The following ATXN2 variants were observed in gnomAD, a reference collection of about 807,000 sequenced individuals.
ATXN2 encodes ataxin-2.
In ATXN2, 37 loss-of-function variants were observed where a neutral mutation model predicts 138.6. That is an observed-to-expected ratio of 0.27 (90% CI 0.21 to 0.35). The LOEUF is 0.35. ATXN2 is among the 10% of genes least tolerant of loss of function. The probability of loss-of-function intolerance (pLI) is 1.00; values close to 1 mark genes in which losing one functional copy is unlikely to be tolerated. For missense variants in ATXN2, 1,216 were observed against 1,480.3 expected, an observed-to-expected ratio of 0.82 and a Z score of 2.93; for synonymous variants, 549 against 543.7, an observed-to-expected ratio of 1.01 and a Z score of -0.13.
intron 1 of ATXN2, among the ~76,000 whole-genome samples, chr12:111,566,911 T>G (rs895536315): frequency 2.0e-5 from 3 of 152,316 alleles, no homozygotes. Flanking sequence ...GTACTGGGAT[T>G]ACAGGCATGA....
chr12:111,585,971 A>G (rs112336421), intron 1 of ATXN2, among the ~76,000 whole-genome samples: 1 of 151,654 alleles, frequency 6.6e-6, no homozygotes, highest in Non-Finnish European at 1.5e-5. Context: ...TGGTGCAATC[A>G]TGGCTCACCT....
At chr12:111,468,284 C>T (rs940033499) in intron 20 of ATXN2, 1 of 152,182 alleles carries the variant, frequency 6.6e-6, no homozygotes, top group Non-Finnish European at 1.5e-5. Flanking sequence ...AAATAATAAA[C>T]CAAGTTAGTT....
At chr12:111,570,957 T>C (rs1883280808) in intron 1 of ATXN2, among the ~76,000 whole-genome samples, 1 of 152,266 alleles carries the variant, frequency 6.6e-6, no homozygotes, top group South Asian at 2.1e-4. Context: ...CTTGCTGGTG[T>C]AGTTTCTACT....
At chr12:111,549,596 T>C (rs1435703626) in intron 5 of ATXN2, among the ~76,000 whole-genome samples, 1 of 152,166 alleles carries the variant, frequency 6.6e-6, no homozygotes, top group Non-Finnish European at 1.5e-5. Flanking sequence ...GTTTTCTCCA[T>C]ACTGATAGTA....
In ATXN2 at chr12:111,464,704, A is replaced by C. The variant is rs1875869593; in HGVS notation, c.2854T>G (p.Leu952Val). The C allele has an allele frequency of 3.1e-6, 5 of 1,611,100 alleles. No homozygotes were observed. Among genetic ancestry groups the C allele is most frequent in the Admixed American group, 1.7e-5 (1 of 59,944 alleles). The stretch of plus-strand genomic sequence containing the variant: ...GGGCTTGTCTCCTTGTTGTATGGTA[A>C]TTTGGGACATGCTGAATTTGGGAAA... ...QTHAMYACPK[L>V]PYNKETSPSF... The change falls in exon 21 of 25, where the codon TTA becomes GTA. Residue 952 changes from leucine to valine, a missense_variant. This residue lies in a region of ATXN2 where 490 missense variants were observed against 653.5 expected (regional missense o/e 0.75). Transcript: ENST00000673436.
intron 16 of ATXN2, among the ~76,000 whole-genome samples, chr12:111,486,510 T>TA (rs1316971004): frequency 1.3e-5 from 2 of 152,226 alleles, no homozygotes; most frequent in African/African-American, 4.8e-5. Context: ...ACAGCCTAGC[T>TA]AGCCAACCAT....
chr12:111,457,164 G>A, intron 22 of ATXN2, 50 bp downstream of exon 22: 1 of 1,571,722 alleles, frequency 6.4e-7, no homozygotes, highest in African/African-American at 1.4e-5. Context: ...AAAGCACTCA[G>A]ATACTAGGAT....
chr12:111,548,165 C>T (rs1336028394), intron 5 of ATXN2, among the ~76,000 whole-genome samples: 1 of 152,120 alleles, frequency 6.6e-6, no homozygotes, highest in Non-Finnish European at 1.5e-5. Flanking sequence ...TGTACCCAGC[C>T]TGGGCGACAG....
intron 18 of ATXN2, among the ~76,000 whole-genome samples, chr12:111,473,773 A>G (rs115677682): frequency 0.035 from 5,328 of 152,242 alleles, 333 homozygotes; most frequent in African/African-American, 0.12. Flanking sequence ...GGAAAAAAAA[A>G]AAAAACCCAA....
chr12:111,535,861 G>T (rs992596426), intron 5 of ATXN2, among the ~76,000 whole-genome samples: 5 of 150,424 alleles, frequency 3.3e-5, no homozygotes, highest in Non-Finnish European at 7.4e-5. Flanking sequence ...TTAGCCGGGC[G>T]TAGTGGCGGG....
At chr12:111,514,570 G>A (rs1391064416) in intron 10 of ATXN2, among the ~76,000 whole-genome samples, 2 of 152,052 alleles carry the variant, frequency 1.3e-5, no homozygotes, top group South Asian at 2.1e-4. Context: ...TGTCGCCCAG[G>A]CTGGAGTGCA....
chr12:111,588,904 A>T (rs1226592057), intron 1 of ATXN2, among the ~76,000 whole-genome samples: 1 of 140,348 alleles, frequency 7.1e-6, no homozygotes, highest in African/African-American at 2.6e-5. Context: ...CTGAGGCAGG[A>T]GAATGGCATG....
intron 5 of ATXN2, among the ~76,000 whole-genome samples, chr12:111,529,057 C>T (rs1265711454): frequency 6.6e-6 from 1 of 151,954 alleles, no homozygotes; most frequent in Non-Finnish European, 1.5e-5. Context: ...TGGGCTCAAG[C>T]AATCCTCCCA....
intron 15 of ATXN2, 38 bp from the exon 16 acceptor site, chr12:111,486,862 C>T (rs1337699629): frequency 1.3e-6 from 2 of 1,534,224 alleles, no homozygotes; most frequent in Non-Finnish European, 1.8e-6. Flanking sequence ...TCTACATGGA[C>T]TTTACGTTGC....
chr12:111,578,732 G>C (rs1883821579), intron 1 of ATXN2, among the ~76,000 whole-genome samples: 1 of 152,106 alleles, frequency 6.6e-6, no homozygotes, highest in Non-Finnish European at 1.5e-5. Flanking sequence ...CTGGGCATTA[G>C]GGAAATGCAA....
At position 111,513,247 on chromosome 12, in the gene ATXN2, T is replaced by C. The variant is rs541934692; in HGVS notation, c.1558+110A>G. Reference sequence around the variant, plus strand: ...TCCCAATTCCTGGTGATTCTACTATTTTTAACATATACATACTTACACTTC... The same window carrying C: ...TCCCAATTCCTGGTGATTCTACTATCTTTAACATATACATACTTACACTTC... On this transcript the variant is annotated intron_variant, in intron 11 of 24. Transcript: ENST00000673436. 708 of 1,265,230 alleles carry C rather than the reference T, an allele frequency of 5.6e-4. 9 individuals are homozygous for C. The African/African-American group carries it at 9.9e-3, about 18-fold the overall frequency. 78.4% of individuals were successfully genotyped at this position (1,265,230 alleles called of 1,614,324 possible).
chr12:111,468,321 C>T (rs1416310350), intron 20 of ATXN2: 2 of 152,254 alleles, frequency 1.3e-5, no homozygotes, highest in South Asian at 2.1e-4. Context: ...AATTAAATTA[C>T]GGATGGGCCT....
At chr12:111,547,656 C>T (rs1032203420) in intron 5 of ATXN2, among the ~76,000 whole-genome samples, 2 of 151,400 alleles carry the variant, frequency 1.3e-5, no homozygotes, top group African/African-American at 4.9e-5. Flanking sequence ...ACCCAGAAGG[C>T]GGAGGTTGCA....
At chr12:111,556,168 A>C (rs980705519) in intron 1 of ATXN2, among the ~76,000 whole-genome samples, 5 of 152,120 alleles carry the variant, frequency 3.3e-5, no homozygotes, top group Non-Finnish European at 7.4e-5. Context: ...AAAATCAAAT[A>C]AATAAAGTAA....
Sources: allele counts gnomAD v4.1 joint callset (sites outside exome capture counted in the v4.1 genomes callset), GRCh38; gene constraint gnomAD v4.1.1; regional missense constraint gnomAD v4.1.1; transcripts MANE v1.5; gene names NCBI Gene and HGNC (gene_info 2026-07-23, HGNC 2026-07-21).